BNC2: variants seen among roughly 807,000 people sequenced by gnomAD.
BNC2 encodes zinc finger protein basonuclin-2.
A neutral mutation model predicts 76.3 loss-of-function variants in BNC2; 20 were observed. The ratio of observed to expected loss-of-function variants is 0.26; its 90% CI spans 0.18 to 0.38. The LOEUF (loss-of-function observed/expected upper bound fraction) is 0.38. Among genes scored for constraint, BNC2 ranks in the 10% least tolerant of loss-of-function variants. BNC2 has a pLI of 1.00. For synonymous variants in BNC2, 582 were observed against 514.8 expected (o/e 1.13, Z -1.77); for missense variants, 1,382 against 1,399.8 (o/e 0.99, Z 0.20).
intron 5 of BNC2, among the ~76,000 whole-genome samples, chr9:16,503,981 A>G (rs995274451): frequency 2.0e-4 from 31 of 152,250 alleles, no homozygotes; most frequent in African/African-American, 7.5e-4. Flanking sequence ...CAGAAAACAT[A>G]CTTATTCTAG....
chr9:16,818,448 G>A (rs180931826), intron 1 of BNC2, among the ~76,000 whole-genome samples: 2 of 152,082 alleles, frequency 1.3e-5, no homozygotes, highest in Non-Finnish European at 2.9e-5. Context: ...AGAGAGAACC[G>A]GTTTGGAAGT....
chr9:16,446,051 C>T (rs779042418), intron 5 of BNC2, among the ~76,000 whole-genome samples: 6 of 152,100 alleles, frequency 3.9e-5, no homozygotes, highest in Admixed American at 3.9e-4. Flanking sequence ...AGCTGACATG[C>T]TAACATTAAC....
intron 3 of BNC2, among the ~76,000 whole-genome samples, chr9:16,694,440 G>A (rs530259311): frequency 6.6e-6 from 1 of 152,226 alleles, no homozygotes; most frequent in African/African-American, 2.4e-5. Context: ...AATGCACAGT[G>A]GTTGGCTAGA....
chr9:16,621,235 T>A (rs533712496), intron 3 of BNC2, among the ~76,000 whole-genome samples: 2 of 152,164 alleles, frequency 1.3e-5, no homozygotes, highest in East Asian at 3.9e-4. Flanking sequence ...TCTGGGATTG[T>A]GAATTCCTTA....
intron 5 of BNC2, among the ~76,000 whole-genome samples, chr9:16,502,384 T>C (rs895457573): frequency 1.3e-5 from 2 of 152,054 alleles, no homozygotes; most frequent in Non-Finnish European, 2.9e-5. Flanking sequence ...GTTTTGAATA[T>C]AGGATTGGGT....
chr9:16,858,214 A>G (rs1301070008), intron 1 of BNC2, among the ~76,000 whole-genome samples: 2 of 152,222 alleles, frequency 1.3e-5, no homozygotes, highest in Non-Finnish European at 1.5e-5. Flanking sequence ...ATAAAACCAA[A>G]AACAATTATT....
At chr9:16,639,401 C>A (rs965521131) in intron 3 of BNC2, among the ~76,000 whole-genome samples, 1 of 152,128 alleles carries the variant, frequency 6.6e-6, no homozygotes, top group Non-Finnish European at 1.5e-5. Flanking sequence ...TTTCTGTAGA[C>A]ATAGGTCTAA....
At chr9:16,626,993 G>T (rs7035303) in intron 3 of BNC2, among the ~76,000 whole-genome samples, 24 of 152,192 alleles carry the variant, frequency 1.6e-4, no homozygotes, top group African/African-American at 5.5e-4. Flanking sequence ...ACAGTGAGGC[G>T]ACTGAATCAG....
intron 1 of BNC2, among the ~76,000 whole-genome samples, chr9:16,834,210 C>T (rs1238676806): frequency 3.3e-5 from 5 of 152,218 alleles, no homozygotes; most frequent in South Asian, 4.1e-4. Flanking sequence ...AAAAAAATCC[C>T]TTAAGCAAAA....
intron 3 of BNC2, among the ~76,000 whole-genome samples, chr9:16,670,916 C>T (rs1822458019): frequency 6.6e-6 from 1 of 152,126 alleles, no homozygotes; most frequent in Non-Finnish European, 1.5e-5. Context: ...ACCAACTTCC[C>T]CCACTGATCG....
chr9:16,793,868 G>T (rs10810634), intron 1 of BNC2, among the ~76,000 whole-genome samples: 94,901 of 115,502 alleles, frequency 0.82, 37,971 homozygotes, highest in Non-Finnish European at 0.87. Context: ...TTGTTTTTTT[G>T]TTTTTTTTTT....
At chr9:16,427,665 G>A (rs566534747) in intron 6 of BNC2, among the ~76,000 whole-genome samples, 2 of 152,178 alleles carry the variant, frequency 1.3e-5, no homozygotes, top group Non-Finnish European at 2.9e-5. Context: ...TTTGGAGAGT[G>A]TTGGGTTCAA....
intron 2 of BNC2, among the ~76,000 whole-genome samples, chr9:16,737,250 T>TC (rs1824700967): frequency 6.9e-6 from 1 of 145,344 alleles, no homozygotes; most frequent in African/African-American, 2.5e-5. Context: ...TTTTTTTTTT[T>TC]TTTTTTTTTT....
At chr9:16,744,907 C>A (rs918973398) in intron 1 of BNC2, among the ~76,000 whole-genome samples, 6 of 152,180 alleles carry the variant, frequency 3.9e-5, no homozygotes, top group Non-Finnish European at 8.8e-5. Flanking sequence ...AACAATTTCT[C>A]TTCATCCTTT....
intron 1 of BNC2, among the ~76,000 whole-genome samples, chr9:16,812,626 G>A (rs377504005): frequency 6.6e-6 from 1 of 152,256 alleles, no homozygotes; most frequent in African/African-American, 2.4e-5. Context: ...TTAAATGTGT[G>A]TGACACATAT....
At chr9:16,712,330 A>C (rs1314503096) in intron 3 of BNC2, among the ~76,000 whole-genome samples, 1 of 152,226 alleles carries the variant, frequency 6.6e-6, no homozygotes, top group Non-Finnish European at 1.5e-5. Flanking sequence ...CTTTTACACT[A>C]TGTGTAAAGT....
At chr9:16,451,455 G>T (rs1274250523) in intron 5 of BNC2, among the ~76,000 whole-genome samples, 1 of 151,844 alleles carries the variant, frequency 6.6e-6, no homozygotes, top group African/African-American at 2.4e-5. Context: ...GCTCCCTATT[G>T]TACACAGAAT....
At chr9:16,846,475 G>A (rs761435753) in intron 1 of BNC2, among the ~76,000 whole-genome samples, 6 of 152,098 alleles carry the variant, frequency 3.9e-5, no homozygotes, top group South Asian at 2.1e-4. Flanking sequence ...AGTCCACCAC[G>A]CAACACAGCA....
chr9:16,554,052 C>T (rs1818746705), intron 4 of BNC2, among the ~76,000 whole-genome samples: 1 of 152,182 alleles, frequency 6.6e-6, no homozygotes, highest in South Asian at 2.1e-4. Context: ...TATCAGCCAA[C>T]ATCTAGGCTC....
Sources: allele counts gnomAD v4.1 joint callset (sites outside exome capture counted in the v4.1 genomes callset), GRCh38; gene constraint gnomAD v4.1.1; transcripts MANE v1.5; gene names NCBI Gene and HGNC (gene_info 2026-07-23, HGNC 2026-07-21).